Variants in XKR4 observed in about 807,000 individuals in gnomAD.
The protein encoded by XKR4 is XK related 4, also known as XK-related protein 4.
XKR4 carries 12 observed loss-of-function variants against 53.9 expected under a neutral mutation model. That is an observed-to-expected ratio of 0.22 (90% CI 0.14 to 0.36). XKR4 has a LOEUF of 0.36. XKR4 is among the 10% of genes least tolerant of loss of function. The pLI is 1.00. For synonymous variants in XKR4, 354 were observed against 362.4 expected (o/e 0.98, Z 0.26); for missense variants, 799 against 859.5 (o/e 0.93, Z 0.88).
At chr8:55,432,107 T>C (rs762161469) in intron 2 of XKR4, among the ~76,000 whole-genome samples, 1 of 152,204 alleles carries the variant, frequency 6.6e-6, no homozygotes, top group Non-Finnish European at 1.5e-5. Flanking sequence ...GTTGTAAATT[T>C]TATCCAGGAG....
At chr8:55,140,112 AT>A (rs1232608972) in intron 1 of XKR4, 1 of 420,874 alleles carries the variant, frequency 2.4e-6, no homozygotes, top group Non-Finnish European at 4.7e-6. Context: ...TACCAGGTGA[AT>A]TTCTTTTAGA....
intron 1 of XKR4, among the ~76,000 whole-genome samples, chr8:55,294,006 T>C (rs1819065612): frequency 6.6e-6 from 1 of 152,250 alleles, no homozygotes; most frequent in African/African-American, 2.4e-5. Context: ...CCCATTGAAA[T>C]ACTTCACGCC....
At chr8:55,443,721 G>T (rs1805305125) in intron 2 of XKR4, among the ~76,000 whole-genome samples, 1 of 150,908 alleles carries the variant, frequency 6.6e-6, no homozygotes, top group Non-Finnish European at 1.5e-5. Context: ...TGTGCCTGTA[G>T]TCCCAGCTAC....
chr8:55,303,618 A>T (rs942902201), intron 1 of XKR4, among the ~76,000 whole-genome samples: 1 of 152,116 alleles, frequency 6.6e-6, no homozygotes, highest in Admixed American at 6.5e-5. Flanking sequence ...CTATGAATCC[A>T]TCTGGTCCTG....
Position 55,541,679 on chromosome 8 carries a change from G to C in XKR4, c.*17452G>C, listed in dbSNP as rs1378772067. 6.6e-6 allele frequency: 1 copy of C among 152,164 alleles called. No individual in the cohort carries two copies. Among genetic ancestry groups the C allele is most frequent in the African/African-American group, 2.4e-5 (1 of 41,442 alleles). The allele number at this position is 152,164 out of a possible 1,614,324, so 9.4% of individuals were successfully genotyped here. A position where few individuals can be genotyped will look rare whatever the true frequency, so the allele number is the denominator to read the frequency against. On this transcript the variant is annotated 3_prime_UTR_variant, in exon 3 of 3. Transcript: ENST00000327381. ...TTGGCAGTTCTTGTGCTTTTACTTT[G>C]TAAACATTGTACAAATGTATTTGGA...
intron 1 of XKR4, among the ~76,000 whole-genome samples, chr8:55,178,318 C>G (rs1353623740): frequency 6.6e-6 from 1 of 152,044 alleles, no homozygotes; most frequent in Non-Finnish European, 1.5e-5. Flanking sequence ...CCAGCTATAC[C>G]AGCTATTGTG....
intron 1 of XKR4, among the ~76,000 whole-genome samples, chr8:55,262,750 T>C (rs1818545010): frequency 6.6e-6 from 1 of 152,200 alleles, no homozygotes; most frequent in Non-Finnish European, 1.5e-5. Flanking sequence ...CAGCCCAAGC[T>C]GACTATGACA....
rs1806370680 is a variant in XKR4 at position 55,497,612 on chromosome 8, C to A, written c.1007-25669C>A. Among the ~76,000 whole-genome samples, 2 of 152,204 alleles carry A rather than the reference C, an allele frequency of 1.3e-5. 1 individual carries two copies. Among genetic ancestry groups the A allele is most frequent in the South Asian group, 4.1e-4 (2 of 4,832 alleles). On this transcript the variant is annotated intron_variant, in intron 2 of 2. Transcript: ENST00000327381. ...GTTCAGGCAAGACCTTTGGCATCAT[C>A]CTTGAGTCTTCTTGTTCACACCCCA...
In XKR4 at chr8:55,377,988, G is replaced by T. The variant is rs982990524; in HGVS notation, c.1006+20111G>T. Among the ~76,000 whole-genome samples the T allele has an allele frequency of 2.0e-5, 3 of 152,218 alleles. 1 individual carries two copies. Among genetic ancestry groups the T allele is most frequent in the Non-Finnish European group, 4.4e-5 (3 of 68,044 alleles). On this transcript the variant is annotated intron_variant, in intron 2 of 2. Transcript: ENST00000327381. ...ACCTATTCGATGCTCGAGGCAACCT[G>T]TTGCCATAGTACCAATCAGATGCTG...
Position 55,524,144 on chromosome 8 carries a change from G to C in XKR4, c.1870G>C (p.Glu624Gln), listed in dbSNP as rs200999097. 6.6e-5 allele frequency: 106 copies of C among 1,614,222 alleles called. No homozygotes were observed. The South Asian group carries it at 9.3e-4, about 14-fold the overall frequency. Residue 624 changes from glutamate to glutamine, a missense_variant, in exon 3 of 3, where the codon GAA becomes CAA. Physicochemically the swap from Glu to Gln is conservative, Grantham distance 29. Coordinates refer to ENST00000327381, the MANE Select transcript of XKR4 (RefSeq NM_052898.2). ...RSLRKAILAFECSPSPPRLQY... is the reference protein window; with the variant it reads ...RSLRKAILAFQCSPSPPRLQY... ...CCTCCGAAAGGCTATTTTAGCTTTT[G>C]AATGTTCCCCATCTCCTCCAAGGCT...
At chr8:55,131,934 T>C (rs998745280) in intron 1 of XKR4, among the ~76,000 whole-genome samples, 2 of 152,172 alleles carry the variant, frequency 1.3e-5, no homozygotes, top group Admixed American at 6.5e-5. Flanking sequence ...ACAGTCTTAA[T>C]GAGAGCCATT....
At chr8:55,453,791 A>G in intron 2 of XKR4, 1 of 433,036 alleles carries the variant, frequency 2.3e-6, no homozygotes, top group South Asian at 1.9e-5. Context: ...GATGTGATGC[A>G]GGACTCATTG....
intron 2 of XKR4, among the ~76,000 whole-genome samples, chr8:55,421,528 T>G: frequency 6.8e-6 from 1 of 147,468 alleles, no homozygotes; most frequent in South Asian, 2.1e-4. Flanking sequence ...CCTTGGCATC[T>G]CTCTCTCTCT....
intron 1 of XKR4, among the ~76,000 whole-genome samples, chr8:55,247,870 T>TCTTTCTTTCTTTCTTTC (rs1407073833): frequency 3.3e-4 from 44 of 135,010 alleles, no homozygotes; most frequent in East Asian, 8.2e-4. Flanking sequence ...TTTTTTTTTT[T>TCTTTCTTTCTTTCTTTC]TTTTGAGACA....
intron 2 of XKR4, among the ~76,000 whole-genome samples, chr8:55,467,761 T>A (rs1249919420): frequency 6.6e-6 from 1 of 152,158 alleles, no homozygotes; most frequent in East Asian, 1.9e-4. Flanking sequence ...AATAGTAAGA[T>A]TATTATGGCC....
At chr8:55,189,075 C>G (rs1206409589) in intron 1 of XKR4, among the ~76,000 whole-genome samples, 1 of 152,154 alleles carries the variant, frequency 6.6e-6, no homozygotes, top group East Asian at 1.9e-4. Flanking sequence ...GGATTGGAGT[C>G]TTGAACTTCT....
chr8:55,312,650 T>C (rs769211545), intron 1 of XKR4, among the ~76,000 whole-genome samples: 2 of 152,244 alleles, frequency 1.3e-5, no homozygotes, highest in African/African-American at 4.8e-5. Flanking sequence ...CAATAGTCCA[T>C]CATTGATGTA....
chr8:55,395,829 C>T (rs950188907), intron 2 of XKR4, among the ~76,000 whole-genome samples: 3 of 152,144 alleles, frequency 2.0e-5, no homozygotes, highest in South Asian at 2.1e-4. Context: ...TCTGTTCTGG[C>T]GGCTACAACA....
chr8:55,455,726 G>A (rs780024666), intron 2 of XKR4, among the ~76,000 whole-genome samples: 5 of 152,202 alleles, frequency 3.3e-5, no homozygotes, highest in African/African-American at 1.2e-4. Context: ...ATGCATTTGT[G>A]CAGGTGAGAC....
Sources: allele counts gnomAD v4.1 joint callset (sites outside exome capture counted in the v4.1 genomes callset), GRCh38; gene constraint gnomAD v4.1.1; transcripts MANE v1.5; gene names NCBI Gene and HGNC (gene_info 2026-07-23, HGNC 2026-07-21).